Variants in ARAP2 observed in about 807,000 individuals in gnomAD.
ARAP2 encodes arf-GAP with Rho-GAP domain, ANK repeat and PH domain-containing protein 2.
A neutral mutation model predicts 194.5 loss-of-function variants in ARAP2; 148 were observed. The ratio of observed to expected loss-of-function variants is 0.76; its 90% CI spans 0.67 to 0.87. The LOEUF (loss-of-function observed/expected upper bound fraction) is 0.87, where lower values mean the gene tolerates loss of function less well. Ranked by LOEUF, ARAP2 falls within the 40% of genes least tolerant of loss-of-function variation. ARAP2 has a pLI of 0.00. For missense variants in ARAP2, 2,128 were observed against 1,989.7 expected, an observed-to-expected ratio of 1.07 and a Z score of -1.32; for synonymous variants, 695 against 683.5, an observed-to-expected ratio of 1.02 and a Z score of -0.26.
At chr4:36,106,085 T>C (rs921528339) in intron 27 of ARAP2, among the ~76,000 whole-genome samples, 4 of 151,240 alleles carry the variant, frequency 2.6e-5, no homozygotes, top group African/African-American at 9.7e-5. Flanking sequence ...CCTGCCTCCC[T>C]ACCCAATCTC....
intron 2 of ARAP2, among the ~76,000 whole-genome samples, chr4:36,227,258 C>A (rs1750532785): frequency 6.6e-6 from 1 of 151,848 alleles, no homozygotes; most frequent in Admixed American, 6.6e-5. Flanking sequence ...TAGGAGTGGC[C>A]CTTATATTAG....
At chr4:36,120,918 C>A (rs1178911228) in intron 23 of ARAP2, among the ~76,000 whole-genome samples, 1 of 151,488 alleles carries the variant, frequency 6.6e-6, no homozygotes, top group Non-Finnish European at 1.5e-5. Context: ...AAAGAAAACA[C>A]ATGCAAAAAT....
At chr4:36,093,678 CGGTGTGTAA>C (rs1714377600) in intron 27 of ARAP2, among the ~76,000 whole-genome samples, 1 of 152,018 alleles carries the variant, frequency 6.6e-6, no homozygotes, top group Admixed American at 6.6e-5. Flanking sequence ...TTTGTTACAA[CGGTGTGTAA>C]CGCTGAGGTT....
chr4:36,049,156 T>G (rs1440424008), intron 3 of ARAP2, among the ~76,000 whole-genome samples: 1 of 151,974 alleles, frequency 6.6e-6, no homozygotes, highest in Admixed American at 6.6e-5. Context: ...AAAAAAAAAG[T>G]CTTTGAGATT....
chr4:36,082,164 T>C, intron 30 of ARAP2, 87 bp downstream of exon 30: 1 of 1,245,416 alleles, frequency 8.0e-7, no homozygotes, highest in Non-Finnish European at 1.2e-6. Context: ...TTTCCGTCTG[T>C]AGTTCTATCT....
In ARAP2 at chr4:36,229,253, T is replaced by C; in HGVS notation, c.234A>G (p.Ala78=). Residue 78 remains alanine (A), a synonymous_variant, in exon 2 of 33, where the codon GCA becomes GCG. Coordinates refer to ENST00000303965, the MANE Select transcript of ARAP2 (RefSeq NM_015230.4). ...LSKMQDIPIY[A]NVHKTKKNDD... is the part of the protein sequence containing the mutation. ...CATTCTTCTTAGTTTTATGAACATT[T>C]GCATATATTGGAATATCTTGCATTT... 1 of 1,614,092 alleles carries C rather than the reference T, an allele frequency of 6.2e-7. No homozygotes were observed. The highest frequency in any genetic ancestry group is 1.1e-5 in the South Asian group (1 of 91,072).
intron 9 of ARAP2, among the ~76,000 whole-genome samples, chr4:36,175,148 G>A (rs1484202639): frequency 6.6e-6 from 1 of 152,176 alleles, no homozygotes; most frequent in Non-Finnish European, 1.5e-5. Flanking sequence ...TTAAGATACA[G>A]AGGTTCAAAT....
At position 36,147,366 on chromosome 4, in the gene ARAP2, G is replaced by T. The variant is rs1469721278; in HGVS notation, c.3200-7C>A. 1 of 1,612,348 alleles carries T rather than the reference G, an allele frequency of 6.2e-7. No individual in the cohort carries two copies. The stretch of plus-strand genomic sequence containing the variant: ...TGAACCATTGTGCTGATTGCTGAAG[G>T]GAGAATGAAAAGCAAAAATTTATTT... On this transcript the variant is annotated splice_polypyrimidine_tract_variant and splice_region_variant and intron_variant, in intron 18 of 32. Coordinates refer to ENST00000303965, the MANE Select transcript of ARAP2 (RefSeq NM_015230.4).
intron 15 of ARAP2, among the ~76,000 whole-genome samples, chr4:36,155,643 T>A (rs1732079372): frequency 6.7e-6 from 1 of 148,764 alleles, no homozygotes; most frequent in Non-Finnish European, 1.5e-5. Context: ...CTTTTTTATT[T>A]TTTATTTATT....
intron 2 of ARAP2, among the ~76,000 whole-genome samples, chr4:36,055,427 T>C (rs370763862): frequency 6.6e-6 from 1 of 152,248 alleles, no homozygotes; most frequent in Non-Finnish European, 1.5e-5. Flanking sequence ...TGATTTAGCA[T>C]GTCAAATGTT....
At position 36,137,127 on chromosome 4, in the gene ARAP2, G is replaced by A. The variant is rs190580355; in HGVS notation, c.3264-3738C>T. ...ATATGTTCTAAGAATCTTAAAATAC[G>A]TATGCATTAGTTTTGACAATTAGTT... is the stretch of plus-strand genomic sequence containing the variant. On this transcript the variant is annotated intron_variant, in intron 19 of 32. Transcript: ENST00000303965. 3.4e-3 allele frequency among the ~76,000 whole-genome samples: 518 copies of A among 151,828 alleles called. 1 individual carries two copies. Among genetic ancestry groups the A allele is most frequent in the African/African-American group, 0.011 (468 of 41,444 alleles).
chr4:36,076,196 A>G (rs1015582577), intron 31 of ARAP2, among the ~76,000 whole-genome samples: 5 of 152,112 alleles, frequency 3.3e-5, no homozygotes, highest in African/African-American at 1.2e-4. Flanking sequence ...GTGGTCAATA[A>G]TTTGAGAAGA....
intron 7 of ARAP2, among the ~76,000 whole-genome samples, chr4:36,190,577 G>A (rs922274242): frequency 1.3e-5 from 2 of 152,028 alleles, no homozygotes; most frequent in Non-Finnish European, 2.9e-5. Flanking sequence ...TGATAATAAC[G>A]CCTGGCTTAG....
At chr4:36,044,131 A>G (rs1334647726) in intron 5 of ARAP2, among the ~76,000 whole-genome samples, 1 of 152,148 alleles carries the variant, frequency 6.6e-6, no homozygotes, top group African/African-American at 2.4e-5. Flanking sequence ...TGTCCCGTTT[A>G]CCAAGTGAAA....
At chr4:36,133,149 A>G (rs1441495570) in intron 20 of ARAP2, 77 bp downstream of exon 20, 32 of 1,457,890 alleles carry the variant, frequency 2.2e-5, no homozygotes, top group Non-Finnish European at 2.9e-5. Flanking sequence ...ACTCAGTCCA[A>G]TAGAGGTACC....
chr4:36,021,831 A>C (rs1456921457), intron 5 of ARAP2, among the ~76,000 whole-genome samples: 1 of 152,218 alleles, frequency 6.6e-6, no homozygotes, highest in Non-Finnish European at 1.5e-5. Context: ...AGTTGATGTC[A>C]TAAATATCTA....
intron 26 of ARAP2, among the ~76,000 whole-genome samples, chr4:36,112,294 T>C (rs1240870367): frequency 6.6e-6 from 1 of 151,968 alleles, no homozygotes; most frequent in Non-Finnish European, 1.5e-5. Context: ...GAACCAGGTA[T>C]ATACACATTG....
Position 36,068,555 on chromosome 4 carries a change from C to T in ARAP2, c.4744-277G>A, listed in dbSNP as rs74663460. Among the ~76,000 whole-genome samples, 580 of 152,280 alleles carry T rather than the reference C, an allele frequency of 3.8e-3. 1 individual carries two copies. The highest frequency in any genetic ancestry group is 0.014 in the African/African-American group (563 of 41,542). ...AAATATGCATGAAGTAGAAAGCATA[C>T]TTCAAATTCTGAATTTCGATCTTTT... On this transcript the variant is annotated intron_variant, in intron 32 of 32. Coordinates refer to ENST00000303965, the MANE Select transcript of ARAP2 (RefSeq NM_015230.4).
At chr4:36,163,114 G>T (rs1734469385) in intron 11 of ARAP2, among the ~76,000 whole-genome samples, 1 of 152,100 alleles carries the variant, frequency 6.6e-6, no homozygotes, top group Non-Finnish European at 1.5e-5. Context: ...AACAGCGTGA[G>T]AATCATTTGC....
Sources: allele counts gnomAD v4.1 joint callset (sites outside exome capture counted in the v4.1 genomes callset), GRCh38; gene constraint gnomAD v4.1.1; transcripts MANE v1.5; gene names NCBI Gene and HGNC (gene_info 2026-07-23, HGNC 2026-07-21).